WLS: variants seen among roughly 807,000 people sequenced by gnomAD.
The protein encoded by WLS is protein wntless homolog.
A neutral mutation model predicts 62.8 loss-of-function variants in WLS; 23 were observed. The ratio of observed to expected loss-of-function variants is 0.37; its 90% CI spans 0.26 to 0.52. WLS has a LOEUF of 0.52. Among genes scored for constraint, WLS ranks in the 20% least tolerant of loss-of-function variants. The probability of loss-of-function intolerance (pLI) is 0.92; values close to 1 mark genes in which losing one functional copy is unlikely to be tolerated. For synonymous variants in WLS, 246 were observed against 244.1 expected (o/e 1.01, Z -0.07); for missense variants, 615 against 697.3 (o/e 0.88, Z 1.33).
intron 3 of WLS, among the ~76,000 whole-genome samples, chr1:68,157,358 C>T (rs1646913666): frequency 6.6e-6 from 1 of 152,202 alleles, no homozygotes; most frequent in East Asian, 1.9e-4. Context: ...TTAAAAGAGA[C>T]ACATTGGCAT....
At chr1:68,201,740 T>C (rs1409103873) in intron 1 of WLS, among the ~76,000 whole-genome samples, 3 of 152,208 alleles carry the variant, frequency 2.0e-5, no homozygotes, top group Non-Finnish European at 4.4e-5. Flanking sequence ...TCCTTTACAC[T>C]GAACCACTAC....
chr1:68,203,312 ACTAT>A (rs985358005), intron 1 of WLS, among the ~76,000 whole-genome samples: 13 of 152,160 alleles, frequency 8.5e-5, no homozygotes, highest in African/African-American at 3.1e-4. Flanking sequence ...TTCCAATACA[ACTAT>A]CTGTTTATTT....
downstream of WLS, among the ~76,000 whole-genome samples, chr1:68,121,928 C>G (rs1232146687): frequency 6.6e-6 from 1 of 152,196 alleles, no homozygotes; most frequent in Non-Finnish European, 1.5e-5. Context: ...CCAAGGACAG[C>G]AGTTTCTCTG....
At chr1:68,211,858 C>A (rs1649528532) in intron 1 of WLS, among the ~76,000 whole-genome samples, 1 of 152,180 alleles carries the variant, frequency 6.6e-6, no homozygotes, top group Admixed American at 6.5e-5. Flanking sequence ...CAAATGATTC[C>A]TTTATCTAGT....
At chr1:68,177,260 C>T (rs550238574) in intron 2 of WLS, among the ~76,000 whole-genome samples, 1 of 152,290 alleles carries the variant, frequency 6.6e-6, no homozygotes, top group Non-Finnish European at 1.5e-5. Flanking sequence ...CTCTGAATTC[C>T]ATGGGTGAGC....
Position 68,131,062 on chromosome 1 carries a change from T to TTG in WLS, c.1517-4729_1517-4728dup, listed in dbSNP as rs6143260. 7.5e-3 allele frequency among the ~76,000 whole-genome samples: 1,100 copies of TTG among 146,126 alleles called. 5 individuals carry two copies. Among genetic ancestry groups the TTG allele is most frequent in the Non-Finnish European group, 0.011 (759 of 66,506 alleles). ...CGCATGCCACCATGCCCAGCTAATT[T>TTG]TGTGTGTGTGTGTGTGTGTGTGTGT... On this transcript the variant is annotated intron_variant, in intron 11 of 11. Transcript: ENST00000262348.
rs757739330 is a variant in WLS, at chr1:68,137,817, T to C, written c.1479A>G (p.Ala493=). ...LYVFALMFLY[A]PSHKNYGEDQ... ...CTTCTCCATAGTTTTTATGGGATGG[T>C]GCATACAAGAACATCAGAGCAAAGA... Residue 493 remains alanine (A), a synonymous_variant, in exon 11 of 12, where the codon GCA becomes GCG. Coordinates refer to ENST00000262348, the MANE Select transcript of WLS (RefSeq NM_024911.7). 3 of 1,613,940 alleles carry C rather than the reference T, an allele frequency of 1.9e-6. No individual in the cohort carries two copies. The South Asian group carries it at 3.3e-5, about 18-fold the overall frequency.
chr1:68,132,870 GCA>G (rs1429862750), intron 11 of WLS, among the ~76,000 whole-genome samples: 2 of 152,214 alleles, frequency 1.3e-5, no homozygotes, highest in African/African-American at 2.4e-5. Context: ...GAGTGGGTTT[GCA>G]CAGTTTTTCA....
chr1:68,231,602 G>T (rs975263006), intron 1 of WLS: 1 of 391,052 alleles, frequency 2.6e-6, no homozygotes, highest in African/African-American at 2.1e-5. Flanking sequence ...CCACGGCAGA[G>T]CGTGGGGTGG....
At chr1:68,231,602 G>A (rs975263006) in intron 1 of WLS, 3 of 391,174 alleles carry the variant, frequency 7.7e-6, no homozygotes, top group Non-Finnish European at 1.0e-5. Flanking sequence ...CCACGGCAGA[G>A]CGTGGGGTGG....
intron 11 of WLS, among the ~76,000 whole-genome samples, chr1:68,102,093 T>C (rs1335418953): frequency 6.6e-6 from 1 of 152,144 alleles, no homozygotes; most frequent in African/African-American, 2.4e-5. Context: ...CAAGGGCAAG[T>C]AAGGAGTGTC....
At chr1:68,224,054 A>G (rs1039255736) in intron 1 of WLS, among the ~76,000 whole-genome samples, 1 of 152,154 alleles carries the variant, frequency 6.6e-6, no homozygotes, top group African/African-American at 2.4e-5. Flanking sequence ...TCTTTCAATT[A>G]CCTCTGCTTT....
intron 11 of WLS, among the ~76,000 whole-genome samples, chr1:68,109,418 G>A (rs186890018): frequency 9.2e-5 from 14 of 152,344 alleles, no homozygotes; most frequent in Non-Finnish European, 1.8e-4. Flanking sequence ...GCAAGAGGTA[G>A]AAGAGATGAG....
intron 1 of WLS, chr1:68,202,357 G>C (rs759399674): frequency 2.0e-5 from 3 of 152,192 alleles, no homozygotes; most frequent in Non-Finnish European, 4.4e-5. Flanking sequence ...GCTAATTGGT[G>C]TAGCAATCCA....
At chr1:68,188,094 G>T (rs1228193143) in intron 2 of WLS, among the ~76,000 whole-genome samples, 1 of 152,132 alleles carries the variant, frequency 6.6e-6, no homozygotes, top group Non-Finnish European at 1.5e-5. Flanking sequence ...CGGAACCTGT[G>T]GCAAGTACCT....
At chr1:68,131,072 G>GTGTGTGTT (rs1422956755) in intron 11 of WLS, among the ~76,000 whole-genome samples, 1 of 117,058 alleles carries the variant, frequency 8.5e-6, no homozygotes, top group African/African-American at 2.8e-5. Context: ...TTGTGTGTGT[G>GTGTGTGTT]TGTGTGTGTG....
At chr1:68,123,222 C>T (rs905184870), downstream of WLS, among the ~76,000 whole-genome samples, 1 of 152,324 alleles carries the variant, frequency 6.6e-6, no homozygotes, top group East Asian at 1.9e-4. Context: ...GCCCTTGCCA[C>T]TTAAGAAGGT....
At chr1:68,196,133 G>T (rs1648646336) in intron 1 of WLS, among the ~76,000 whole-genome samples, 1 of 151,152 alleles carries the variant, frequency 6.6e-6, no homozygotes, top group Non-Finnish European at 1.5e-5. Flanking sequence ...CTAGGATATT[G>T]AAGATTAAAT....
At chr1:68,119,705 C>T (rs559040482) in intron 11 of WLS, among the ~76,000 whole-genome samples, 3 of 152,242 alleles carry the variant, frequency 2.0e-5, no homozygotes, top group East Asian at 1.9e-4. Context: ...CCTGGAATCA[C>T]CTTTCAAGCC....
Sources: allele counts gnomAD v4.1 joint callset (sites outside exome capture counted in the v4.1 genomes callset), GRCh38; gene constraint gnomAD v4.1.1; transcripts MANE v1.5; gene names NCBI Gene and HGNC (gene_info 2026-07-23, HGNC 2026-07-21).